The following NRG3 variants were observed in gnomAD, a reference collection of about 807,000 sequenced individuals.
NRG3 encodes neuregulin 3.
NRG3 carries 31 observed loss-of-function variants against 66.9 expected under a neutral mutation model. The ratio of observed to expected loss-of-function variants is 0.46; its 90% CI spans 0.35 to 0.63. The LOEUF is 0.63. Among genes scored for constraint, NRG3 ranks in the 20% least tolerant of loss-of-function variants. The pLI, the probability that NRG3 is intolerant of heterozygous loss-of-function variation, is 0.00. For missense variants in NRG3, 910 were observed against 878.9 expected (o/e 1.04, Z -0.45); for synonymous variants, 393 against 359.4 (o/e 1.09, Z -1.06).
intron 4 of NRG3, among the ~76,000 whole-genome samples, chr10:82,932,328 A>G (rs1445052671): frequency 1.3e-5 from 2 of 152,202 alleles, no homozygotes; most frequent in African/African-American, 4.8e-5. Flanking sequence ...AGTAAATTCA[A>G]TTTAGGGTGA....
chr10:82,167,935 T>G (rs553992203), intron 1 of NRG3, among the ~76,000 whole-genome samples: 2 of 152,070 alleles, frequency 1.3e-5, no homozygotes, highest in South Asian at 4.2e-4. Flanking sequence ...GTGAGAGGGA[T>G]GTACAGAAGA....
intron 1 of NRG3, among the ~76,000 whole-genome samples, chr10:82,312,208 A>G (rs952843378): frequency 6.6e-6 from 1 of 152,150 alleles, no homozygotes; most frequent in Non-Finnish European, 1.5e-5. Flanking sequence ...CACACAGGAA[A>G]CGATCAAAAG....
chr10:82,660,447 C>A (rs560002062), intron 2 of NRG3, among the ~76,000 whole-genome samples: 1 of 152,108 alleles, frequency 6.6e-6, no homozygotes, highest in South Asian at 2.1e-4. Context: ...ATGTCTAATG[C>A]ATAGATTTGG....
At chr10:82,815,277 C>A (rs1033245328) in intron 3 of NRG3, among the ~76,000 whole-genome samples, 1 of 152,150 alleles carries the variant, frequency 6.6e-6, no homozygotes, top group African/African-American at 2.4e-5. Context: ...ACCTCCCTTG[C>A]ATCTCACCTG....
intron 4 of NRG3, among the ~76,000 whole-genome samples, chr10:82,934,522 G>T (rs1341595802): frequency 6.6e-6 from 1 of 152,162 alleles, no homozygotes; most frequent in Non-Finnish European, 1.5e-5. Context: ...AACTATGATT[G>T]TTCTTATCTC....
intron 2 of NRG3, among the ~76,000 whole-genome samples, chr10:82,671,890 A>C (rs2053305723): frequency 6.6e-6 from 1 of 152,208 alleles, no homozygotes; most frequent in African/African-American, 2.4e-5. Context: ...CAAAGTTTTG[A>C]TTAATTAAAT....
intron 2 of NRG3, among the ~76,000 whole-genome samples, chr10:82,464,655 G>C (rs1197096444): frequency 6.6e-6 from 1 of 152,158 alleles, no homozygotes; most frequent in Non-Finnish European, 1.5e-5. Flanking sequence ...TCTGGAGGCT[G>C]TGCTTCTAGG....
In NRG3 at chr10:81,936,192, T is replaced by C. The variant is rs139929446; in HGVS notation, c.823+60029T>C. Among the ~76,000 whole-genome samples, 78 of 152,128 alleles carry C rather than the reference T, an allele frequency of 5.1e-4. 1 individual carries two copies. The highest frequency in any genetic ancestry group is 1.9e-3 in the Admixed American group (29 of 15,258). ...AAAAACTGAAATGAGAACTGACATG[T>C]TAATATATGTCAAAAGATTGAGAAG... is the stretch of plus-strand genomic sequence containing the variant. On this transcript the variant is annotated intron_variant, in intron 1 of 8. Coordinates refer to ENST00000372141, the MANE Select transcript of NRG3 (RefSeq NM_001010848.4).
chr10:82,176,906 A>ACAAAC (rs1251109253), intron 1 of NRG3, among the ~76,000 whole-genome samples: 1 of 51,544 alleles, frequency 1.9e-5, no homozygotes, highest in African/African-American at 7.8e-5. Context: ...CACACACACA[A>ACAAAC]ACACACACAC....
At chr10:82,843,828 A>C (rs375066161) in intron 3 of NRG3, among the ~76,000 whole-genome samples, 1 of 152,208 alleles carries the variant, frequency 6.6e-6, no homozygotes, top group African/African-American at 2.4e-5. Flanking sequence ...AATGGGATGA[A>C]TCAGGATAAA....
chr10:82,685,814 C>T (rs2054468480), intron 2 of NRG3, among the ~76,000 whole-genome samples: 1 of 151,974 alleles, frequency 6.6e-6, no homozygotes, highest in South Asian at 2.1e-4. Context: ...TACTTTTAAA[C>T]TTTTTTCTTA....
chr10:82,945,749 G>C (rs78867876), intron 4 of NRG3, among the ~76,000 whole-genome samples: 1,683 of 152,174 alleles, frequency 0.011, 34 homozygotes, highest in African/African-American at 0.039. Flanking sequence ...ACCTCATAAA[G>C]GCCCCACTTC....
intron 1 of NRG3, among the ~76,000 whole-genome samples, chr10:81,994,963 G>C (rs2060881056): frequency 6.6e-6 from 1 of 151,934 alleles, no homozygotes; most frequent in African/African-American, 2.4e-5. Flanking sequence ...TATGGTAACT[G>C]CACTTGTTCC....
intron 2 of NRG3, among the ~76,000 whole-genome samples, chr10:82,494,417 T>A (rs1258410993): frequency 1.3e-5 from 2 of 152,138 alleles, no homozygotes; most frequent in Non-Finnish European, 2.9e-5. Flanking sequence ...TAATAGGACG[T>A]GTGATGATAT....
chr10:81,979,902 A>G (rs2133451142), intron 1 of NRG3, among the ~76,000 whole-genome samples: 2 of 152,332 alleles, frequency 1.3e-5, no homozygotes, highest in South Asian at 4.1e-4. Context: ...TGTATTTTAC[A>G]AACTGGCCAC....
At chr10:82,862,179 C>T (rs2064164071) in intron 3 of NRG3, among the ~76,000 whole-genome samples, 1 of 152,124 alleles carries the variant, frequency 6.6e-6, no homozygotes, top group African/African-American at 2.4e-5. Context: ...GCGGTCCTAC[C>T]GAATACCAAC....
intron 2 of NRG3, among the ~76,000 whole-genome samples, chr10:82,650,308 A>C (rs964380243): frequency 1.3e-5 from 2 of 152,222 alleles, no homozygotes; most frequent in African/African-American, 4.8e-5. Context: ...TAAGGAGGAT[A>C]CTGGCCCTGG....
chr10:82,714,912 G>A (rs1444532551), intron 2 of NRG3, among the ~76,000 whole-genome samples: 1 of 152,052 alleles, frequency 6.6e-6, no homozygotes, highest in Non-Finnish European at 1.5e-5. Flanking sequence ...TATTATTTCT[G>A]TGTATTCTTA....
intron 1 of NRG3, among the ~76,000 whole-genome samples, chr10:82,093,969 A>G (rs1051629502): frequency 3.3e-5 from 5 of 152,202 alleles, no homozygotes; most frequent in African/African-American, 1.2e-4. Flanking sequence ...ATTACTTAAA[A>G]TGTAAAGCCT....
Sources: gnomAD v4.1 joint callset for allele counts (sites outside exome capture counted in the v4.1 genomes callset) on GRCh38, gnomAD v4.1.1 for gene constraint, MANE v1.5 for transcripts, NCBI Gene and HGNC (gene_info 2026-07-23, HGNC 2026-07-21) for gene names.